CADM2: variants seen among roughly 807,000 people sequenced by gnomAD.
CADM2 encodes the protein cell adhesion molecule 2.
In CADM2, 12 loss-of-function variants were observed where a neutral mutation model predicts 49.8. That is an observed-to-expected ratio of 0.24 (90% CI 0.15 to 0.39). The LOEUF is 0.39. Among genes scored for constraint, CADM2 ranks in the 10% least tolerant of loss-of-function variants. The pLI is 1.00. For synonymous variants in CADM2, 214 were observed against 175.4 expected (o/e 1.22, Z -1.74); for missense variants, 378 against 492.3 (o/e 0.77, Z 2.20).
intron 1 of CADM2, among the ~76,000 whole-genome samples, chr3:85,066,983 A>C (rs1207023728): frequency 1.3e-5 from 2 of 152,184 alleles, no homozygotes; most frequent in Admixed American, 6.6e-5. Context: ...TTTCGTTTCC[A>C]CAGGGCTATA....
intron 2 of CADM2, among the ~76,000 whole-genome samples, chr3:85,753,528 C>T (rs1189848750): frequency 6.7e-6 from 1 of 149,662 alleles, no homozygotes; most frequent in African/African-American, 2.4e-5. Context: ...CTGACATACA[C>T]ACACACTGTA....
At chr3:84,972,188 G>A (rs1008230182) in intron 1 of CADM2, among the ~76,000 whole-genome samples, 3 of 152,218 alleles carry the variant, frequency 2.0e-5, no homozygotes, top group African/African-American at 7.2e-5. Context: ...TGTAGACTGA[G>A]TGGTTGGAAC....
chr3:85,279,878 G>T (rs979663876), intron 1 of CADM2, among the ~76,000 whole-genome samples: 1 of 151,454 alleles, frequency 6.6e-6, no homozygotes, highest in Non-Finnish European at 1.5e-5. Flanking sequence ...TTTTAATTGG[G>T]TTATTAGTTT....
At chr3:85,711,981 A>C (rs1401503009) in intron 1 of CADM2, among the ~76,000 whole-genome samples, 1 of 152,162 alleles carries the variant, frequency 6.6e-6, no homozygotes, top group African/African-American at 2.4e-5. Context: ...TAATCGTCTC[A>C]CCTTCACTCA....
chr3:85,518,659 T>C (rs1009468927), intron 1 of CADM2, among the ~76,000 whole-genome samples: 1 of 152,180 alleles, frequency 6.6e-6, no homozygotes, highest in Non-Finnish European at 1.5e-5. Context: ...TTCCAACTCC[T>C]GGTGGCTGCT....
At chr3:86,027,505 G>A (rs1734040009) in intron 8 of CADM2, among the ~76,000 whole-genome samples, 1 of 152,180 alleles carries the variant, frequency 6.6e-6, no homozygotes, top group South Asian at 2.1e-4. Flanking sequence ...GATCAGCATT[G>A]TCATAGAAAC....
At chr3:85,727,364 A>C (rs543265099) in intron 2 of CADM2, among the ~76,000 whole-genome samples, 1 of 152,272 alleles carries the variant, frequency 6.6e-6, no homozygotes, top group African/African-American at 2.4e-5. Context: ...CCCTATTTAT[A>C]AAGTCAAGCC....
chr3:85,071,480 C>T (rs2036742648), intron 1 of CADM2, among the ~76,000 whole-genome samples: 1 of 152,074 alleles, frequency 6.6e-6, no homozygotes, highest in Non-Finnish European at 1.5e-5. Context: ...CAAGTAGTGC[C>T]ACCAAATTGT....
At chr3:85,918,521 A>G (rs1408020280) in intron 6 of CADM2, among the ~76,000 whole-genome samples, 2 of 152,128 alleles carry the variant, frequency 1.3e-5, no homozygotes, top group Non-Finnish European at 2.9e-5. Flanking sequence ...ATCATGGTGG[A>G]TAAGCTTTTT....
intron 3 of CADM2, among the ~76,000 whole-genome samples, chr3:85,853,732 A>G (rs2075198174): frequency 6.6e-6 from 1 of 152,064 alleles, no homozygotes; most frequent in African/African-American, 2.4e-5. Flanking sequence ...AATAAACAAT[A>G]GTTTATTTAG....
At chr3:85,369,370 C>T (rs1248282172) in intron 1 of CADM2, among the ~76,000 whole-genome samples, 3 of 152,292 alleles carry the variant, frequency 2.0e-5, no homozygotes, top group South Asian at 2.1e-4. Context: ...CAGTGGCTCA[C>T]GCCTGTAATC....
intron 8 of CADM2, among the ~76,000 whole-genome samples, chr3:85,979,473 A>G (rs1354107657): frequency 6.6e-6 from 1 of 151,328 alleles, no homozygotes; most frequent in African/African-American, 2.4e-5. Flanking sequence ...TATTTTTTTT[A>G]GTGTTACTTA....
At chr3:85,190,224 G>A (rs1177537450) in intron 1 of CADM2, among the ~76,000 whole-genome samples, 1 of 152,018 alleles carries the variant, frequency 6.6e-6, no homozygotes, top group African/African-American at 2.4e-5. Flanking sequence ...CATTTCAGAG[G>A]ATACTTGCCC....
intron 2 of CADM2, among the ~76,000 whole-genome samples, chr3:85,777,316 C>T (rs768908855): frequency 6.5e-4 from 98 of 151,624 alleles, no homozygotes; most frequent in Non-Finnish European, 2.9e-4. Context: ...AGTGTCGTGG[C>T]GTGATCTCAG....
chr3:86,005,856 G>A (rs73134181), intron 8 of CADM2, among the ~76,000 whole-genome samples: 1,607 of 151,792 alleles, frequency 0.011, 23 homozygotes, highest in Middle Eastern at 0.069. Context: ...CACCTCCCCC[G>A]CAACCCCCCG....
chr3:85,387,568 A>C, intron 1 of CADM2, among the ~76,000 whole-genome samples: 1 of 152,210 alleles, frequency 6.6e-6, no homozygotes, highest in African/African-American at 2.4e-5. Flanking sequence ...GAACTCTTGT[A>C]TAACTTTCTG....
chr3:85,543,455 TG>T (rs2061597698), intron 1 of CADM2, among the ~76,000 whole-genome samples: 1 of 151,504 alleles, frequency 6.6e-6, no homozygotes, highest in East Asian at 1.9e-4. Flanking sequence ...TGTGTGTGTG[TG>T]TATTTTTAGT....
At chr3:85,454,370 T>C (rs1216487219) in intron 1 of CADM2, among the ~76,000 whole-genome samples, 2 of 151,738 alleles carry the variant, frequency 1.3e-5, no homozygotes, top group African/African-American at 4.8e-5. Flanking sequence ...GCAATATAAT[T>C]AATCCTTCTA....
At chr3:85,809,340 C>T (rs2072662377) in intron 3 of CADM2, among the ~76,000 whole-genome samples, 1 of 152,068 alleles carries the variant, frequency 6.6e-6, no homozygotes, top group Non-Finnish European at 1.5e-5. Flanking sequence ...CCTGTAATCC[C>T]AGCACTTTGG....
Sources: allele counts gnomAD v4.1 joint callset (sites outside exome capture counted in the v4.1 genomes callset), GRCh38; gene constraint gnomAD v4.1.1; transcripts MANE v1.5; gene names NCBI Gene and HGNC (gene_info 2026-07-23, HGNC 2026-07-21).